The following DLGAP1 variants were observed in gnomAD, a reference collection of about 807,000 sequenced individuals.
DLGAP1 encodes DLG associated protein 1.
DLGAP1 carries 11 observed loss-of-function variants against 90.8 expected under a neutral mutation model. That is an observed-to-expected ratio of 0.12 (90% CI 0.08 to 0.20). DLGAP1 has a LOEUF of 0.20. Ranked by LOEUF, DLGAP1 falls within the 10% of genes least tolerant of loss-of-function variation. DLGAP1 has a pLI of 1.00. For missense variants in DLGAP1, 1,050 were observed against 1,333.8 expected, an observed-to-expected ratio of 0.79 and a Z score of 3.31; for synonymous variants, 558 against 540.7, an observed-to-expected ratio of 1.03 and a Z score of -0.44.
At chr18:3,529,838 G>A (rs1438914465) in intron 10 of DLGAP1, among the ~76,000 whole-genome samples, 2 of 152,172 alleles carry the variant, frequency 1.3e-5, no homozygotes, top group Non-Finnish European at 2.9e-5. Flanking sequence ...TGCCAGCAGT[G>A]TACATTTCAA....
intron 9 of DLGAP1, among the ~76,000 whole-genome samples, chr18:3,540,578 G>C: frequency 6.6e-6 from 1 of 151,358 alleles, no homozygotes; most frequent in Admixed American, 6.6e-5. Context: ...ATGGGAGGGC[G>C]CAGGCATAAG....
At chr18:3,822,089 A>C (rs1449078677) in intron 4 of DLGAP1, 2 of 699,622 alleles carry the variant, frequency 2.9e-6, no homozygotes, top group East Asian at 2.7e-4. Context: ...ATCCCTAGGC[A>C]TGATTGTTGC....
intron 2 of DLGAP1, among the ~76,000 whole-genome samples, chr18:4,095,441 G>C (rs1433994805): frequency 6.6e-6 from 1 of 152,018 alleles, no homozygotes; most frequent in East Asian, 1.9e-4. Context: ...GAGTTCTAGT[G>C]ATCTGGAAAC....
chr18:3,961,248 C>T (rs2073191791), intron 3 of DLGAP1, among the ~76,000 whole-genome samples: 2 of 152,182 alleles, frequency 1.3e-5, no homozygotes, highest in South Asian at 4.1e-4. Flanking sequence ...TACACACCTC[C>T]TTTGGGCCAT....
At chr18:4,259,553 T>G (rs1228920379) in intron 1 of DLGAP1, among the ~76,000 whole-genome samples, 1 of 152,132 alleles carries the variant, frequency 6.6e-6, no homozygotes, top group Non-Finnish European at 1.5e-5. Context: ...TGGCGAGGCT[T>G]AGTTTCTGGG....
intron 12 of DLGAP1, among the ~76,000 whole-genome samples, chr18:3,501,442 A>G (rs1224924831): frequency 6.6e-6 from 1 of 152,138 alleles, no homozygotes; most frequent in Non-Finnish European, 1.5e-5. Flanking sequence ...CCAACTTAAC[A>G]CTACGACCCC....
chr18:3,623,652 C>CTAAA (rs760268530), intron 7 of DLGAP1, among the ~76,000 whole-genome samples: 22 of 151,994 alleles, frequency 1.4e-4, no homozygotes, highest in Admixed American at 5.2e-4. Context: ...TGGCGCATGC[C>CTAAA]TGTAATCCCA....
intron 7 of DLGAP1, among the ~76,000 whole-genome samples, chr18:3,633,870 T>C (rs1352298753): frequency 6.6e-6 from 1 of 152,102 alleles, no homozygotes; most frequent in African/African-American, 2.4e-5. Context: ...TTTCCATAAG[T>C]AAAGGAATAG....
At chr18:4,069,260 T>A (rs754573866) in intron 2 of DLGAP1, among the ~76,000 whole-genome samples, 8 of 152,194 alleles carry the variant, frequency 5.3e-5, no homozygotes, top group Admixed American at 3.9e-4. Flanking sequence ...TAATAAGTAT[T>A]TCTTGATTAA....
chr18:4,148,454 G>T (rs1167198005), intron 2 of DLGAP1, among the ~76,000 whole-genome samples: 1 of 152,186 alleles, frequency 6.6e-6, no homozygotes, highest in Non-Finnish European at 1.5e-5. Flanking sequence ...GAAGACTTTG[G>T]AGCCAAAGGA....
At chr18:3,614,577 T>TTA (rs1277329750) in intron 7 of DLGAP1, among the ~76,000 whole-genome samples, 1 of 151,556 alleles carries the variant, frequency 6.6e-6, no homozygotes, top group African/African-American at 2.4e-5. Flanking sequence ...ATTTTAAGAA[T>TTA]TACTGGAGTC....
At chr18:3,737,272 G>C (rs556052579) in intron 6 of DLGAP1, among the ~76,000 whole-genome samples, 1 of 152,230 alleles carries the variant, frequency 6.6e-6, no homozygotes, top group Non-Finnish European at 1.5e-5. Flanking sequence ...CTCATTTGAT[G>C]AGGCCAGCAT....
At chr18:3,973,490 G>A (rs2073499626) in intron 3 of DLGAP1, among the ~76,000 whole-genome samples, 1 of 152,084 alleles carries the variant, frequency 6.6e-6, no homozygotes, top group Admixed American at 6.6e-5. Flanking sequence ...GGGGAGTGGT[G>A]GAGTATATGG....
At chr18:4,324,526 TATC>T (rs1236700222) in intron 1 of DLGAP1, among the ~76,000 whole-genome samples, 2 of 151,814 alleles carry the variant, frequency 1.3e-5, no homozygotes, top group African/African-American at 4.8e-5. Flanking sequence ...ATCAGGCCAA[TATC>T]ATCCAGATAC....
intron 1 of DLGAP1, among the ~76,000 whole-genome samples, chr18:4,413,113 C>T (rs534876003): frequency 5.2e-4 from 79 of 152,208 alleles, no homozygotes; most frequent in African/African-American, 1.8e-3. Flanking sequence ...GCATGGTGTT[C>T]AGATGGAGAT....
intron 1 of DLGAP1, chr18:4,275,402 A>G (rs632539): frequency 0.38 from 58,294 of 152,084 alleles, 13,256 homozygotes; most frequent in African/African-American, 0.65. Flanking sequence ...TTAAAATCCT[A>G]TTTGAAATTC....
intron 1 of DLGAP1, among the ~76,000 whole-genome samples, chr18:4,285,327 G>A (rs914744998): frequency 1.3e-5 from 2 of 152,160 alleles, no homozygotes; most frequent in African/African-American, 4.8e-5. Context: ...ATCCCAAAAT[G>A]AGACTCAAGG....
intron 4 of DLGAP1, among the ~76,000 whole-genome samples, chr18:3,864,417 G>A (rs949569340): frequency 1.3e-5 from 2 of 152,280 alleles, no homozygotes; most frequent in South Asian, 2.1e-4. Context: ...ATGGTGATAT[G>A]TTATAAAACA....
chr18:3,908,439 C>G (rs1464496195), intron 3 of DLGAP1, among the ~76,000 whole-genome samples: 1 of 152,130 alleles, frequency 6.6e-6, no homozygotes, highest in Non-Finnish European at 1.5e-5. Flanking sequence ...GATTCAAGAT[C>G]CTCATCAGTA....
Sources: gnomAD v4.1 joint callset for allele counts (sites outside exome capture counted in the v4.1 genomes callset) on GRCh38, gnomAD v4.1.1 for gene constraint, MANE v1.5 for transcripts, NCBI Gene and HGNC (gene_info 2026-07-23, HGNC 2026-07-21) for gene names.